NEK10: variants seen among roughly 807,000 people sequenced by gnomAD.
The protein encoded by NEK10 is NIMA related kinase 10, also known as serine/threonine-protein kinase Nek10.
Under a neutral mutation model 159.8 loss-of-function variants are expected in NEK10, and 122 were observed. The ratio of observed to expected loss-of-function variants is 0.76; its 90% confidence interval spans 0.66 to 0.89. The LOEUF (loss-of-function observed/expected upper bound fraction) is 0.89. Among genes scored for constraint, NEK10 ranks in the 40% least tolerant of loss-of-function variants. The pLI is 0.00. For missense variants in NEK10, 1,342 were observed against 1,323.1 expected (o/e 1.01, Z -0.22); for synonymous variants, 466 against 457.1 (o/e 1.02, Z -0.25).
chr3:27,218,631 C>G (rs1951781850), intron 23 of NEK10, among the ~76,000 whole-genome samples: 1 of 142,062 alleles, frequency 7.0e-6, no homozygotes, highest in Non-Finnish European at 1.5e-5. Flanking sequence ...AAAGACGGGA[C>G]TACTGTGTAT....
chr3:27,156,729 G>A (rs1422421789), intron 30 of NEK10, among the ~76,000 whole-genome samples: 1 of 151,268 alleles, frequency 6.6e-6, no homozygotes, highest in Non-Finnish European at 1.5e-5. Context: ...CAATCACTAT[G>A]GAAAATAGTG....
chr3:27,214,115 A>G (rs1951264119), intron 23 of NEK10, among the ~76,000 whole-genome samples: 1 of 152,238 alleles, frequency 6.6e-6, no homozygotes, highest in Non-Finnish European at 1.5e-5. Flanking sequence ...GTTTTAACTA[A>G]TCATCAATCA....
intron 30 of NEK10, among the ~76,000 whole-genome samples, chr3:27,147,354 G>T (rs1944400959): frequency 1.3e-5 from 2 of 152,188 alleles, no homozygotes; most frequent in Non-Finnish European, 2.9e-5. Flanking sequence ...TCCCAACACA[G>T]ACCAGTAGAC....
At chr3:27,336,140 A>G (rs1310037671) in intron 5 of NEK10, among the ~76,000 whole-genome samples, 2 of 152,108 alleles carry the variant, frequency 1.3e-5, no homozygotes, top group Non-Finnish European at 2.9e-5. Context: ...AAAGACCCAG[A>G]CCAAAATCAG....
At chr3:27,120,984 T>C (rs897987167) in intron 32 of NEK10, among the ~76,000 whole-genome samples, 12 of 152,202 alleles carry the variant, frequency 7.9e-5, no homozygotes, top group African/African-American at 2.7e-4. Flanking sequence ...TGAGTTAAAA[T>C]ACATCATTGT....
chr3:27,258,664 T>G (rs981817154), intron 22 of NEK10, among the ~76,000 whole-genome samples: 1 of 152,208 alleles, frequency 6.6e-6, no homozygotes, highest in Non-Finnish European at 1.5e-5. Flanking sequence ...TTGTGAATAG[T>G]GCCGCAATAA....
chr3:27,114,288 T>C (rs1280478776), intron 35 of NEK10, among the ~76,000 whole-genome samples: 2 of 152,168 alleles, frequency 1.3e-5, no homozygotes, highest in African/African-American at 4.8e-5. Flanking sequence ...TCCTAATGCA[T>C]ATACTCAGCC....
intron 31 of NEK10, among the ~76,000 whole-genome samples, chr3:27,135,106 G>C (rs1943048713): frequency 6.6e-6 from 1 of 152,086 alleles, no homozygotes; most frequent in Non-Finnish European, 1.5e-5. Context: ...CATTACTGTA[G>C]GATAGCACTT....
intron 3 of NEK10, among the ~76,000 whole-genome samples, chr3:27,350,578 G>C (rs569899866): frequency 4.0e-5 from 6 of 151,890 alleles, no homozygotes; most frequent in South Asian, 2.1e-4. Flanking sequence ...TATTTTTTTA[G>C]CACCATCTAT....
chr3:27,350,132 G>A (rs1297204739), intron 3 of NEK10, among the ~76,000 whole-genome samples: 4 of 152,132 alleles, frequency 2.6e-5, no homozygotes, highest in African/African-American at 7.2e-5. Context: ...ACTTGTTAGC[G>A]CAGAAATGCA....
chr3:27,222,104 G>A (rs114304641), intron 23 of NEK10, among the ~76,000 whole-genome samples: 6,326 of 152,250 alleles, frequency 0.042, 228 homozygotes, highest in African/African-American at 0.095. Context: ...CAGGCGCAGC[G>A]GCAAATGCCT....
At chr3:27,346,319 G>A in intron 3 of NEK10, 103 bp from the exon 4 acceptor site, 2 of 1,247,456 alleles carry the variant, frequency 1.6e-6, no homozygotes, top group Non-Finnish European at 2.3e-6. Context: ...TTTTTTCCAG[G>A]CCAATAATTA....
chr3:27,139,944 G>C (rs1189126034), intron 31 of NEK10, among the ~76,000 whole-genome samples: 3 of 152,190 alleles, frequency 2.0e-5, no homozygotes, highest in East Asian at 1.9e-4. Flanking sequence ...CTCCTTTGGA[G>C]GCCAGGTATG....
At chr3:27,212,477 C>T (rs150955675) in intron 23 of NEK10, among the ~76,000 whole-genome samples, 61 of 152,298 alleles carry the variant, frequency 4.0e-4, no homozygotes, top group African/African-American at 1.5e-3. Flanking sequence ...TGGCCATGGC[C>T]TTCGACAGCT....
intron 29 of NEK10, among the ~76,000 whole-genome samples, chr3:27,169,078 G>A (rs1183239421): frequency 6.6e-6 from 1 of 151,934 alleles, no homozygotes; most frequent in East Asian, 1.9e-4. Context: ...AATTTTCCAT[G>A]GATCCTTTAA....
At chr3:27,280,876 A>ATG (rs1003725727) in intron 22 of NEK10, among the ~76,000 whole-genome samples, 1 of 150,400 alleles carries the variant, frequency 6.6e-6, no homozygotes, top group Non-Finnish European at 1.5e-5. Context: ...TATGTTTTAT[A>ATG]TGTGTGTGTG....
intron 23 of NEK10, among the ~76,000 whole-genome samples, chr3:27,226,885 C>T (rs1358103546): frequency 1.3e-5 from 2 of 152,088 alleles, no homozygotes; most frequent in African/African-American, 4.8e-5. Flanking sequence ...GGTTATTTCC[C>T]CTCCTGTATT....
chr3:27,215,014 T>A (rs1951366571), intron 23 of NEK10: 1 of 630,016 alleles, frequency 1.6e-6, no homozygotes, highest in Non-Finnish European at 3.0e-6. Flanking sequence ...AAGCTCCAAC[T>A]CCGACCTGTT....
chr3:27,301,862 C>T lies in NEK10; in HGVS notation c.1029-27G>A, dbSNP rs1559463231. 4.6e-6 allele frequency: 7 copies of T among 1,531,948 alleles called. No individual in the cohort carries two copies. The South Asian group carries it at 6.0e-5, about 13-fold the overall frequency. The allele number at this position is 1,531,948 out of a possible 1,614,324, so 94.9% of individuals were successfully genotyped here. On this transcript the variant is annotated intron_variant, in intron 12 of 35. Transcript: ENST00000691995. The stretch of plus-strand genomic sequence containing the variant: ...TGAAAAAGAAAAGTTAATGCATAGA[C>T]CATTTATCAATTTCCCTTCACCGTC...
Sources: gnomAD v4.1 joint callset for allele counts (sites outside exome capture counted in the v4.1 genomes callset) on GRCh38, gnomAD v4.1.1 for gene constraint, MANE v1.5 for transcripts, NCBI Gene and HGNC (gene_info 2026-07-23, HGNC 2026-07-21) for gene names.